Variants in RAET1E observed in about 807,000 individuals in gnomAD.
RAET1E encodes the protein NKG2D ligand 4.
RAET1E carries 27 observed loss-of-function variants against 21.1 expected under a neutral mutation model. The ratio of observed to expected loss-of-function variants is 1.28; its 90% CI spans 0.94 to 1.76. RAET1E has a LOEUF of 1.76. Among genes scored for constraint, RAET1E ranks in the 40% most tolerant of loss-of-function variants. RAET1E has a pLI of 0.00. For synonymous variants in RAET1E, 113 were observed against 115.0 expected (o/e 0.98, Z 0.11); for missense variants, 310 against 311.3 (o/e 1.00, Z 0.03).
At chr6:149,891,201 C>G (rs886219946) in intron 2 of RAET1E, among the ~76,000 whole-genome samples, 167 bp from the exon 3 acceptor site, 1 of 152,180 alleles carries the variant, frequency 6.6e-6, no homozygotes, top group Non-Finnish European at 1.5e-5. Context: ...AAAACCCCCT[C>G]TGGTGTGAGC....
rs1777619655 is a variant in RAET1E at position 149,886,571 on chromosome 6, T to C, written c.*1927A>G. Among the ~76,000 whole-genome samples the C allele has an allele frequency of 1.3e-5, 2 of 152,204 alleles. No individual in the cohort carries two copies. ...CACCACACCCGGCTAATTTTTGTATTTTTAGTAGAGACAGGGTTTCGCCAT... is the reference window on the plus strand; with the variant it reads ...CACCACACCCGGCTAATTTTTGTATCTTTAGTAGAGACAGGGTTTCGCCAT... On this transcript the variant is annotated 3_prime_UTR_variant, in exon 6 of 6. Transcript: ENST00000357183.
At chr6:149,890,598 G>A (rs1214837798) in intron 3 of RAET1E, among the ~76,000 whole-genome samples, 4 of 152,188 alleles carry the variant, frequency 2.6e-5, no homozygotes, top group East Asian at 1.9e-4. Context: ...GCGGGGGGTA[G>A]CATTGTAGAA....
At chr6:149,891,945 G>A (rs1777920207) in intron 2 of RAET1E, among the ~76,000 whole-genome samples, 1 of 151,992 alleles carries the variant, frequency 6.6e-6, no homozygotes, top group Non-Finnish European at 1.5e-5. Flanking sequence ...GTTCTCATTG[G>A]TCAACTCTCA....
At position 149,889,470 on chromosome 6, in the gene RAET1E, A is replaced by G; in HGVS notation, c.500T>C (p.Ile167Thr). The G allele has an allele frequency of 6.2e-7, 1 of 1,614,082 alleles. No homozygotes were observed. The highest frequency in any genetic ancestry group is 8.5e-7 in the Non-Finnish European group (1 of 1,180,006). ...TCTGTCTTTCTTCCATGTCTCCTTGATCTTACTGGCTTCATGATTAATTAC... is the reference window on the plus strand; with the variant it reads ...TCTGTCTTTCTTCCATGTCTCCTTGGTCTTACTGGCTTCATGATTAATTAC... ...WTVINHEASKIKETWKKDRGL... is the reference protein window; with the variant it reads ...WTVINHEASKTKETWKKDRGL... The change falls in exon 5 of 6, where the codon ATC (isoleucine) becomes ACC (threonine). Residue 167 changes from isoleucine (I) to threonine (T), a missense_variant. By Grantham distance (89) the Ile-to-Thr change is moderately conservative. Coordinates refer to ENST00000357183, the MANE Select transcript of RAET1E (RefSeq NM_001394057.1).
rs1777813827 is a variant in RAET1E, at chr6:149,890,044, G to A, written c.187C>T (p.Gln63Ter). The change falls in exon 4 of 6, where the codon CAG (glutamine) becomes TAG (stop). Residue 63 changes from glutamine to a stop codon, truncating the protein, a stop_gained. Transcript: ENST00000357183. LOFTEE classifies it high-confidence loss of function. ...ACCATGTTGTTGTCACTGTTGTACT[G>A]AAGGAAAAGATTTTTATTCAAGAAG... Reference protein sequence around the residue: ...QVFLNKNLFLQYNSDNNMVKP... With the variant: ...QVFLNKNLFL The A allele has an allele frequency of 1.2e-6, 2 of 1,614,148 alleles. No individual in the cohort carries two copies. Among genetic ancestry groups the A allele is most frequent in the South Asian group, 2.2e-5 (2 of 91,076 alleles).
In RAET1E at chr6:149,886,374, C is replaced by T. The variant is rs114082161; in HGVS notation, c.*2124G>A. Among the ~76,000 whole-genome samples, 412 of 152,186 alleles carry T rather than the reference C, an allele frequency of 2.7e-3. 5 individuals are homozygous for T. The highest frequency in any genetic ancestry group is 9.4e-3 in the African/African-American group (391 of 41,518). On this transcript the variant is annotated 3_prime_UTR_variant, in exon 6 of 6. Coordinates refer to ENST00000357183, the MANE Select transcript of RAET1E (RefSeq NM_001394057.1). ...CAAGATGCTTCGCATGATTTTAACC[C>T]TTTACATATGTTGAGATTTATTTAT...
Position 149,887,803 on chromosome 6 carries a change from A to G in RAET1E, c.*695T>C, listed in dbSNP as rs1295589138. On this transcript the variant is annotated 3_prime_UTR_variant, in exon 6 of 6. Transcript: ENST00000357183. ...GGGTCAATTTAGAGAAGACACTATGAGGACAAAGACAGCAATGGAAGAAAG... is the reference window on the plus strand; with the variant it reads ...GGGTCAATTTAGAGAAGACACTATGGGGACAAAGACAGCAATGGAAGAAAG... 7.9e-5 allele frequency among the ~76,000 whole-genome samples: 12 copies of G among 152,200 alleles called. No homozygotes were observed. The highest frequency in any genetic ancestry group is 7.2e-4 in the Admixed American group (11 of 15,286).
chr6:149,888,682 A>AAG lies in RAET1E; in HGVS notation c.623-16_623-15insCT, dbSNP rs772276259. On this transcript the variant is annotated splice_polypyrimidine_tract_variant and intron_variant, in intron 5 of 5. Transcript: ENST00000357183. ...TACTGGTGACACTAAAAAAAAAAAAAAAAAGAAAAAAAAGCACAAGCCCTG... is the reference window on the plus strand; with the variant it reads ...TACTGGTGACACTAAAAAAAAAAAAAAGAAAAGAAAAAAAAGCACAAGCCCTG... 233 of 1,555,388 alleles carry AAG rather than the reference A, an allele frequency of 1.5e-4. No homozygotes were observed. The highest frequency in any genetic ancestry group is 1.4e-4 in the African/African-American group (10 of 70,166).
intron 2 of RAET1E, among the ~76,000 whole-genome samples, chr6:149,891,304 T>A (rs1777883824): frequency 6.6e-6 from 1 of 152,080 alleles, no homozygotes; most frequent in Admixed American, 6.6e-5. Context: ...CCTTTCTTCC[T>A]GGTACCCCCT....
At chr6:149,894,374 C>G (rs569037039) in intron 2 of RAET1E, among the ~76,000 whole-genome samples, 1 of 152,162 alleles carries the variant, frequency 6.6e-6, no homozygotes, top group Non-Finnish European at 1.5e-5. Flanking sequence ...GAGTGTTTTC[C>G]AACTTGGTTC....
intron 2 of RAET1E, among the ~76,000 whole-genome samples, chr6:149,893,766 C>T (rs1033975519): frequency 3.3e-5 from 5 of 152,128 alleles, no homozygotes; most frequent in Admixed American, 2.6e-4. Flanking sequence ...GAGAGGGCAT[C>T]CTTGTCTTGT....
In RAET1E at chr6:149,884,328, G is replaced by T; in HGVS notation, c.*4170C>A. 1 of 645,182 alleles carries T rather than the reference G, an allele frequency of 1.5e-6. No individual in the cohort carries two copies. The highest frequency in any genetic ancestry group is 2.6e-6 in the Non-Finnish European group (1 of 382,840). 40.0% of individuals were successfully genotyped at this position (645,182 alleles called of 1,614,324 possible). On this transcript the variant is annotated 3_prime_UTR_variant, in exon 6 of 6. Transcript: ENST00000357183. ...AAAAAAATTTTTTTTTTTTGAGACG[G>T]AGTCTTGCTCTGTTGCCAAGACTGG...
chr6:149,890,755 C>T, intron 3 of RAET1E, 62 bp downstream of exon 3: 1 of 1,191,102 alleles, frequency 8.4e-7, no homozygotes, highest in Non-Finnish European at 1.3e-6. Flanking sequence ...CCCCATTCGC[C>T]TACCCCCTAC....
intron 4 of RAET1E, 22 bp downstream of exon 4, chr6:149,889,863 G>C (rs3823021): frequency 0.42 from 673,181 of 1,602,004 alleles, 147,418 homozygotes; most frequent in East Asian, 0.87. Flanking sequence ...GCCTCTGTTT[G>C]CCCACCCCAT....
chr6:149,886,044 G>A lies in RAET1E; in HGVS notation c.*2454C>T, dbSNP rs192562436. ...GGATAGCTGTCTGGAATTCGGTCAG[G>A]TAAGAAAGAAAATTCCAGGCAGAGA... On this transcript the variant is annotated 3_prime_UTR_variant, in exon 6 of 6. Coordinates refer to ENST00000357183, the MANE Select transcript of RAET1E (RefSeq NM_001394057.1). Among the ~76,000 whole-genome samples the A allele has an allele frequency of 8.3e-4, 127 of 152,286 alleles. 1 individual carries two copies. Among genetic ancestry groups the A allele is most frequent in the Non-Finnish European group, 1.7e-3 (113 of 68,026 alleles).
Position 149,887,592 on chromosome 6 carries a change from G to C in RAET1E, c.*906C>G, listed in dbSNP as rs1777664182. Among the ~76,000 whole-genome samples the C allele has an allele frequency of 1.3e-5, 2 of 152,134 alleles. No individual in the cohort carries two copies. Among genetic ancestry groups the C allele is most frequent in the South Asian group, 4.1e-4 (2 of 4,820 alleles). ...TGGTATTCGTTTAAGCAATGAAAAGGGTAGAATCATTTCTTACATCAGAAA... is the reference window on the plus strand; with the variant it reads ...TGGTATTCGTTTAAGCAATGAAAAGCGTAGAATCATTTCTTACATCAGAAA... On this transcript the variant is annotated 3_prime_UTR_variant, in exon 6 of 6. Coordinates refer to ENST00000357183, the MANE Select transcript of RAET1E (RefSeq NM_001394057.1).
intron 3 of RAET1E, 64 bp downstream of exon 3, chr6:149,890,753 G>T: frequency 8.7e-7 from 1 of 1,146,104 alleles, no homozygotes; most frequent in Non-Finnish European, 1.3e-6. Flanking sequence ...AGCCCCATTC[G>T]CCTACCCCCT....
chr6:149,894,029 G>T (rs1778015607), intron 2 of RAET1E, among the ~76,000 whole-genome samples: 1 of 152,194 alleles, frequency 6.6e-6, no homozygotes, highest in Non-Finnish European at 1.5e-5. Flanking sequence ...TGTTGAACCA[G>T]CCTTGCATCC....
At position 149,889,410 on chromosome 6, in the gene RAET1E, C is replaced by G. The variant is rs745929938; in HGVS notation, c.560G>C (p.Gly187Ala). ...LEKYFRKLSK[G>A]DCDHWLREFL... ...TTCCCTGAGCCAGTGATCGCAGTCT[C>G]CCTTTGAGAGCTTCCTGAAATACTT... Residue 187 changes from glycine to alanine, a missense_variant, in exon 5 of 6, where the codon GGA becomes GCA. Gly to Ala is a moderately conservative substitution (Grantham distance 60). Transcript: ENST00000357183. The G allele has an allele frequency of 2.5e-6, 4 of 1,614,100 alleles. No individual in the cohort carries two copies. Among genetic ancestry groups the G allele is most frequent in the Non-Finnish European group, 3.4e-6 (4 of 1,180,052 alleles).
Sources: allele counts gnomAD v4.1 joint callset (sites outside exome capture counted in the v4.1 genomes callset), GRCh38; gene constraint gnomAD v4.1.1; transcripts MANE v1.5; gene names NCBI Gene and HGNC (gene_info 2026-07-23, HGNC 2026-07-21).